TRMT10B: variants seen among roughly 807,000 people sequenced by gnomAD.
TRMT10B encodes tRNA methyltransferase 10 homolog B.
Under a neutral mutation model 43.8 loss-of-function variants are expected in TRMT10B, and 33 were observed. The ratio of observed to expected loss-of-function variants is 0.75; its 90% CI spans 0.57 to 1.01. The LOEUF (loss-of-function observed/expected upper bound fraction) is 1.01, where lower values mean the gene tolerates loss of function less well. Among genes scored for constraint, TRMT10B ranks in the 50% least tolerant of loss-of-function variants. TRMT10B has a pLI of 0.00. For missense variants in TRMT10B, 362 were observed against 369.8 expected (o/e 0.98, Z 0.17); for synonymous variants, 137 against 130.6 (o/e 1.05, Z -0.34).
chr9:37,774,372 T>G (rs1017306976), intron 7 of TRMT10B, among the ~76,000 whole-genome samples: 1 of 152,228 alleles, frequency 6.6e-6, no homozygotes, highest in African/African-American at 2.4e-5. Flanking sequence ...GATGTGCAGT[T>G]TTAACATATT....
chr9:37,759,748 C>T (rs906816372), intron 1 of TRMT10B, among the ~76,000 whole-genome samples: 3 of 152,088 alleles, frequency 2.0e-5, no homozygotes, highest in Admixed American at 1.3e-4. Flanking sequence ...ACTCAGGAGG[C>T]GGAGGTTCCA....
intron 1 of TRMT10B, among the ~76,000 whole-genome samples, chr9:37,760,621 A>G (rs1826224394): frequency 6.6e-6 from 1 of 152,246 alleles, no homozygotes; most frequent in African/African-American, 2.4e-5. Context: ...TGATGTAAGC[A>G]TATGATTTCA....
chr9:37,763,777 A>AT lies in TRMT10B; in HGVS notation c.420+26dup, dbSNP rs1309864200. The AT allele has an allele frequency of 1.9e-6, 3 of 1,613,232 alleles. No individual in the cohort carries two copies. In the African/African-American group the frequency reaches 4.0e-5, roughly 22 times the overall value. On this transcript the variant is annotated intron_variant, in intron 4 of 8. Transcript: ENST00000297994. ...AGGTAGAACATCCACTAAGCCTGGA[A>AT]TTCCTGCTCGCCATGAGGGAGGCCC...
In TRMT10B at chr9:37,774,072, C is replaced by G. The variant is rs1827877997; in HGVS notation, c.721-2210C>G. Among the ~76,000 whole-genome samples the G allele has an allele frequency of 2.0e-5, 3 of 152,128 alleles. No homozygotes were observed. In the South Asian group the frequency reaches 6.2e-4, roughly 32 times the overall value. On this transcript the variant is annotated intron_variant, in intron 7 of 8. Coordinates refer to ENST00000297994, the MANE Select transcript of TRMT10B (RefSeq NM_144964.4). ...ACAGGGCCTTGCTCTGCTGCCCAGGCTGGAGGGCAGTGGCACAATCAGCTT... is the reference window on the plus strand; with the variant it reads ...ACAGGGCCTTGCTCTGCTGCCCAGGGTGGAGGGCAGTGGCACAATCAGCTT...
upstream of TRMT10B, among the ~76,000 whole-genome samples, chr9:37,753,636 G>T (rs1343392543): frequency 6.6e-6 from 1 of 152,236 alleles, no homozygotes; most frequent in Non-Finnish European, 1.5e-5. Context: ...GTTCAGAGAA[G>T]GTGGGCAACC....
intron 8 of TRMT10B, among the ~76,000 whole-genome samples, chr9:37,776,887 ACT>A (rs1199510482): frequency 3.4e-5 from 5 of 146,230 alleles, no homozygotes; most frequent in East Asian, 2.0e-4. Flanking sequence ...TGACAGTGAT[ACT>A]CTGTCTCAAA....
At chr9:37,758,795 CTG>C (rs1221504208) in intron 1 of TRMT10B, among the ~76,000 whole-genome samples, 3 of 152,180 alleles carry the variant, frequency 2.0e-5, no homozygotes, top group Non-Finnish European at 4.4e-5. Flanking sequence ...CAGGACAAGA[CTG>C]TAATCCTTGA....
At chr9:37,753,156 GA>G (rs1169710147), upstream of TRMT10B, among the ~76,000 whole-genome samples, 3 of 151,576 alleles carry the variant, frequency 2.0e-5, no homozygotes, top group African/African-American at 7.3e-5. Flanking sequence ...TGAAGCTAGC[GA>G]GACCATGAAC....
rs1827168101 is a variant in TRMT10B at position 37,767,952 on chromosome 9, T to C, written c.421-124T>C. On this transcript the variant is annotated intron_variant, in intron 4 of 8. Transcript: ENST00000297994. ...CCATAAGGTATAATACACGCACACA[T>C]GTACTCCTAGTACATGGGGTTTTCT... 27 of 981,040 alleles carry C rather than the reference T, an allele frequency of 2.8e-5. No individual in the cohort carries two copies. The South Asian group carries it at 2.9e-4, about 10-fold the overall frequency. 60.8% of individuals were successfully genotyped at this position (981,040 alleles called of 1,614,324 possible).
intron 7 of TRMT10B, among the ~76,000 whole-genome samples, chr9:37,772,637 A>G (rs1465167440): frequency 6.6e-6 from 1 of 152,186 alleles, no homozygotes; most frequent in Non-Finnish European, 1.5e-5. Flanking sequence ...AATGTGGGAC[A>G]TTCTGCAAAA....
chr9:37,767,725 G>T (rs537023441), intron 4 of TRMT10B, among the ~76,000 whole-genome samples: 4 of 151,832 alleles, frequency 2.6e-5, no homozygotes, highest in Non-Finnish European at 5.9e-5. Flanking sequence ...TTTATATGAT[G>T]TTCTGTAAAA....
At chr9:37,766,563 CTCT>C (rs1168413860) in intron 4 of TRMT10B, among the ~76,000 whole-genome samples, 1 of 152,178 alleles carries the variant, frequency 6.6e-6, no homozygotes, top group African/African-American at 2.4e-5. Flanking sequence ...GCAATGCAGG[CTCT>C]TCTTTGGTTC....
intron 1 of TRMT10B, among the ~76,000 whole-genome samples, chr9:37,754,781 T>C (rs1825434172): frequency 6.6e-6 from 1 of 152,152 alleles, no homozygotes; most frequent in Non-Finnish European, 1.5e-5. Flanking sequence ...ATCGGACCCA[T>C]AATTGGAGGC....
At chr9:37,761,802 ACTT>A (rs1826366558) in intron 1 of TRMT10B, 98 bp from the exon 2 acceptor site, 2 of 811,150 alleles carry the variant, frequency 2.5e-6, no homozygotes, top group Non-Finnish European at 3.8e-6. Flanking sequence ...TATTTTACAC[ACTT>A]CTTTCAGTAA....
At position 37,762,666 on chromosome 9, in the gene TRMT10B, C is replaced by T. The variant is rs1032258873; in HGVS notation, c.276C>T (p.Ala92=). ...AGCAAGAAAAAGAACGAAGAAAAGC[C>T]AATCGTGCAGAAAATCCAGGTGACA... ...KRKQEKERRK[A]NRAENPGICP... Residue 92 remains alanine, a synonymous_variant, in exon 3 of 9, where the codon GCC becomes GCT. Coordinates refer to ENST00000297994, the MANE Select transcript of TRMT10B (RefSeq NM_144964.4). 5 of 1,586,670 alleles carry T rather than the reference C, an allele frequency of 3.2e-6. No individual in the cohort carries two copies. Among genetic ancestry groups the T allele is most frequent in the Non-Finnish European group, 4.3e-6 (5 of 1,165,028 alleles).
chr9:37,758,347 G>A (rs755371800), intron 1 of TRMT10B, among the ~76,000 whole-genome samples: 2 of 152,194 alleles, frequency 1.3e-5, no homozygotes, highest in Non-Finnish European at 2.9e-5. Context: ...GGGAGGTCAA[G>A]GCTGCAGTGA....
Position 37,762,588 on chromosome 9 carries a change from G to T in TRMT10B, c.198G>T (p.Gln66His), listed in dbSNP as rs777987343. The T allele has an allele frequency of 6.3e-7, 1 of 1,589,454 alleles. No individual in the cohort carries two copies. The highest frequency in any genetic ancestry group is 1.8e-5 in the Admixed American group (1 of 56,310). ...GSTAWCSKNV[Q>H]RKQRHWEKIV... ...CTGGATAATATAAGAAAAATGTCCAGAGAAAACAGAGACACTGGGAAAAGA... is the reference window on the plus strand; with the variant it reads ...CTGGATAATATAAGAAAAATGTCCATAGAAAACAGAGACACTGGGAAAAGA... Residue 66 changes from glutamine to histidine, a missense_variant, in exon 3 of 9, where the codon CAG (glutamine) becomes CAT (histidine). Physicochemically the swap from Gln to His is conservative, Grantham distance 24. Transcript: ENST00000297994.
At chr9:37,754,500 G>A (rs1322419035) in intron 1 of TRMT10B, among the ~76,000 whole-genome samples, 1 of 152,182 alleles carries the variant, frequency 6.6e-6, no homozygotes, top group Non-Finnish European at 1.5e-5. Context: ...GAAATGGAGA[G>A]TACTGCAGGG....
chr9:37,765,489 AATCT>A (rs746091684), intron 4 of TRMT10B, among the ~76,000 whole-genome samples: 4 of 109,368 alleles, frequency 3.7e-5, no homozygotes, highest in Non-Finnish European at 8.6e-5. Flanking sequence ...TTCTTAATCC[AATCT>A]ATCGTTGGTT....
Sources: gnomAD v4.1 joint callset for allele counts (sites outside exome capture counted in the v4.1 genomes callset) on GRCh38, gnomAD v4.1.1 for gene constraint, MANE v1.5 for transcripts, NCBI Gene and HGNC (gene_info 2026-07-23, HGNC 2026-07-21) for gene names.